The following NXPE2 variants were observed in gnomAD, a reference collection of about 807,000 sequenced individuals.
NXPE2 encodes NXPE family member 2.
A neutral mutation model predicts 34.4 loss-of-function variants in NXPE2; 34 were observed. The observed-to-expected ratio is 0.99, with a 90% confidence interval of 0.75 to 1.31. NXPE2 has a LOEUF of 1.31. Ranked by LOEUF, NXPE2 falls within the 40% of genes most tolerant of loss-of-function variation. The pLI is 0.00. For missense variants in NXPE2, 649 were observed against 672.5 expected (o/e 0.97, Z 0.39); for synonymous variants, 235 against 231.3 (o/e 1.02, Z -0.15).
chr11:114,556,873 T>C, the NXPE2 span, among the ~76,000 whole-genome samples: 1 of 151,850 alleles, frequency 6.6e-6, no homozygotes. Context: ...TCTCTATTTC[T>C]ATTCCATTTT....
chr11:114,618,104 T>C, the NXPE2 span, among the ~76,000 whole-genome samples: 1 of 132,652 alleles, frequency 7.5e-6, no homozygotes, highest in African/African-American at 2.9e-5. Context: ...CCGGTGGATA[T>C]TAAGTGTCGC....
the NXPE2 span, among the ~76,000 whole-genome samples, chr11:114,650,906 G>A: frequency 2.0e-5 from 3 of 152,142 alleles, no homozygotes; most frequent in East Asian, 3.9e-4. Flanking sequence ...CTGGTGGAGG[G>A]GCAGCCTGGT....
the NXPE2 span, among the ~76,000 whole-genome samples, chr11:114,594,190 T>A: frequency 6.6e-6 from 1 of 152,148 alleles, no homozygotes; most frequent in Non-Finnish European, 1.5e-5. Context: ...AATTGTCTTG[T>A]TTGTAGCACA....
At chr11:114,485,420 G>A in the NXPE2 span, among the ~76,000 whole-genome samples, 17 of 141,446 alleles carry the variant, frequency 1.2e-4, no homozygotes, top group African/African-American at 4.6e-4. Context: ...AGTAGAGACG[G>A]GGTTTCACCA....
the NXPE2 span, among the ~76,000 whole-genome samples, chr11:114,494,679 T>G: frequency 6.6e-6 from 1 of 152,244 alleles, no homozygotes; most frequent in African/African-American, 2.4e-5. Flanking sequence ...GTCGCGTATC[T>G]CTTCCTCTCT....
the NXPE2 span, among the ~76,000 whole-genome samples, chr11:114,625,631 T>A: frequency 1.2e-4 from 18 of 152,292 alleles, no homozygotes; most frequent in Non-Finnish European, 2.2e-4. Context: ...GGGTAACTGC[T>A]GTTACCCGGT....
At chr11:114,470,172 G>A in the NXPE2 span, among the ~76,000 whole-genome samples, 1 of 152,080 alleles carries the variant, frequency 6.6e-6, no homozygotes, top group African/African-American at 2.4e-5. Context: ...ACAAGTCTTT[G>A]TATGGACATA....
At chr11:114,779,890 A>C in the NXPE2 span, among the ~76,000 whole-genome samples, 1 of 152,078 alleles carries the variant, frequency 6.6e-6, no homozygotes, top group Admixed American at 6.5e-5. Flanking sequence ...GACGAAAAAG[A>C]AGGAGTCTTC....
At chr11:114,597,702 G>C in the NXPE2 span, among the ~76,000 whole-genome samples, 6 of 152,008 alleles carry the variant, frequency 3.9e-5, no homozygotes. Flanking sequence ...TATGAAATGA[G>C]CCTGGAGCAT....
the NXPE2 span, among the ~76,000 whole-genome samples, chr11:114,495,195 G>A: frequency 6.6e-6 from 1 of 152,110 alleles, no homozygotes; most frequent in African/African-American, 2.4e-5. Flanking sequence ...CTCACCCAAG[G>A]CCTGCAGTGA....
At chr11:114,610,377 A>C in the NXPE2 span, among the ~76,000 whole-genome samples, 1 of 148,586 alleles carries the variant, frequency 6.7e-6, no homozygotes, top group Non-Finnish European at 1.5e-5. Flanking sequence ...GATAATAAAT[A>C]TTGCCTCGTG....
chr11:114,553,872 T>C, the NXPE2 span: 2 of 963,954 alleles, frequency 2.1e-6, no homozygotes, highest in Non-Finnish European at 2.5e-6. Context: ...AAATAGGCCA[T>C]GATGGGTACA....
the NXPE2 span, among the ~76,000 whole-genome samples, chr11:114,667,257 A>G: frequency 6.6e-6 from 1 of 152,148 alleles, no homozygotes; most frequent in African/African-American, 2.4e-5. Context: ...ACCATTACAA[A>G]TAGGAAGTTG....
At chr11:114,639,865 T>TTTATA in the NXPE2 span, among the ~76,000 whole-genome samples, 1 of 52,656 alleles carries the variant, frequency 1.9e-5, no homozygotes, top group Non-Finnish European at 3.3e-5. Flanking sequence ...TATATTATAT[T>TTTATA]TTATATTAAA....
chr11:114,669,765 T>A, the NXPE2 span, among the ~76,000 whole-genome samples: 14,006 of 152,086 alleles, frequency 0.092, 766 homozygotes, highest in Middle Eastern at 0.2. Flanking sequence ...TTTGGAGCAG[T>A]CTGAAGGGAA....
the NXPE2 span, among the ~76,000 whole-genome samples, chr11:114,531,380 C>T: frequency 1.3e-5 from 2 of 152,134 alleles, no homozygotes; most frequent in Non-Finnish European, 2.9e-5. Context: ...TATCACAGTT[C>T]AAGCCACCGT....
chr11:114,740,929 CTT>C, the NXPE2 span, among the ~76,000 whole-genome samples: 1 of 152,054 alleles, frequency 6.6e-6, no homozygotes, highest in South Asian at 2.1e-4. Flanking sequence ...GACATTGTCT[CTT>C]GTGATAGTTT....
chr11:114,466,709 A>G, the NXPE2 span, among the ~76,000 whole-genome samples: 3 of 151,896 alleles, frequency 2.0e-5, no homozygotes, highest in Non-Finnish European at 4.4e-5. Flanking sequence ...CCTTGTTGCA[A>G]TTTTCTTCTT....
the NXPE2 span, among the ~76,000 whole-genome samples, chr11:114,719,853 C>T: frequency 6.6e-6 from 1 of 152,148 alleles, no homozygotes; most frequent in Non-Finnish European, 1.5e-5. Flanking sequence ...TCCTGATTCT[C>T]CTCCATCAGT....
Sources: gnomAD v4.1 joint callset for allele counts (sites outside exome capture counted in the v4.1 genomes callset) on GRCh38, gnomAD v4.1.1 for gene constraint, MANE v1.5 for transcripts, NCBI Gene and HGNC (gene_info 2026-07-23, HGNC 2026-07-21) for gene names.